The following SLC4A9 variants were observed in gnomAD, a reference collection of about 807,000 sequenced individuals.
SLC4A9 encodes the protein solute carrier family 4 member 9.
Under a neutral mutation model 103.2 loss-of-function variants are expected in SLC4A9, and 102 were observed. The observed-to-expected ratio is 0.99, with a 90% CI of 0.84 to 1.17. The LOEUF is 1.17. Ranked by LOEUF, SLC4A9 falls within the 50% of genes most tolerant of loss-of-function variation. The pLI, the probability that SLC4A9 is intolerant of heterozygous loss-of-function variation, is 0.00. For synonymous variants in SLC4A9, 453 were observed against 483.6 expected (o/e 0.94, Z 0.83); for missense variants, 1,091 against 1,193.7 (o/e 0.91, Z 1.27).
At position 140,371,558 on chromosome 5, in the gene SLC4A9, G is replaced by C. The variant is rs1768725265; in HGVS notation, c.2604G>C (p.Gln868His). The C allele has an allele frequency of 1.9e-6, 3 of 1,613,922 alleles. No homozygotes were observed. Among genetic ancestry groups the C allele is most frequent in the African/African-American group, 1.3e-5 (1 of 74,940 alleles). Reference protein sequence around the residue: ...LTRVHLFTAIQLACLGLLWII... With the variant: ...LTRVHLFTAIHLACLGLLWII... ...GGGTCCACCTCTTCACAGCCATCCA[G>C]CTTGCCTGTCTGGGGCTGCTTTGGA... is the stretch of plus-strand genomic sequence containing the variant. The change falls in exon 19 of 22, where the codon CAG becomes CAC. Residue 868 changes from glutamine to histidine, a missense_variant. Physicochemically the swap from Gln to His is conservative, Grantham distance 24. Transcript: ENST00000506757.
Position 140,369,241 on chromosome 5 carries a change from G to A in SLC4A9, c.2427+582G>A, listed in dbSNP as rs1308308555. Among the ~76,000 whole-genome samples, 4 of 150,602 alleles carry A rather than the reference G, an allele frequency of 2.7e-5. No homozygotes were observed. In the East Asian group the frequency reaches 7.9e-4, roughly 30 times the overall value. ...TTGAGCCCAGGAGTTTGAGAGTGCA[G>A]TAGGTGGTGATCACTGGATGACAAG... On this transcript the variant is annotated intron_variant, in intron 17 of 21. Transcript: ENST00000506757.
intron 18 of SLC4A9, 122 bp downstream of exon 18, chr5:140,371,285 C>T (rs1581165850): frequency 6.5e-6 from 9 of 1,391,108 alleles, no homozygotes; most frequent in Non-Finnish European, 8.0e-6. Context: ...CCTGCTTACA[C>T]TTGCCAATTT....
intron 14 of SLC4A9, among the ~76,000 whole-genome samples, chr5:140,367,004 T>C (rs1345577328): frequency 6.6e-6 from 1 of 152,106 alleles, no homozygotes; most frequent in Non-Finnish European, 1.5e-5. Flanking sequence ...ACACATATGC[T>C]TGTAATCAGC....
chr5:140,371,330 T>C, intron 18 of SLC4A9, 121 bp from the exon 19 acceptor site: 1 of 1,426,700 alleles, frequency 7.0e-7, no homozygotes, highest in Admixed American at 1.7e-5. Context: ...TCTCCTGGAC[T>C]CAGGGACTCG....
intron 16 of SLC4A9, among the ~76,000 whole-genome samples, 166 bp from the exon 17 acceptor site, chr5:140,368,421 A>G (rs1768213865): frequency 6.6e-6 from 1 of 152,176 alleles, no homozygotes; most frequent in Non-Finnish European, 1.5e-5. Context: ...CCTCTCCACC[A>G]ATTTTTCACA....
chr5:140,365,788 T>C lies in SLC4A9; in HGVS notation c.1711-46T>C, dbSNP rs78826098. The C allele has an allele frequency of 5.5e-4, 863 of 1,580,930 alleles. 6 individuals are homozygous for C. In the African/African-American group the frequency reaches 0.01, roughly 19 times the overall value. The stretch of plus-strand genomic sequence containing the variant: ...GAAGTTGGTCCAGGAGAGCAGGACA[T>C]TTACTCCATTGCCTATAACTCCACT... On this transcript the variant is annotated intron_variant, in intron 12 of 21. Coordinates refer to ENST00000506757, the MANE Select transcript of SLC4A9 (RefSeq NM_031467.3).
Position 140,364,110 on chromosome 5 carries a change from G to A in SLC4A9, c.1311G>A (p.Met437Ile). 1.9e-6 allele frequency: 3 copies of A among 1,590,278 alleles called. No homozygotes were observed. The highest frequency in any genetic ancestry group is 2.6e-6 in the Non-Finnish European group (3 of 1,168,734). Residue 437 changes from methionine to isoleucine, a missense_variant, in exon 10 of 22, where the codon ATG becomes ATA. Coordinates refer to ENST00000506757, the MANE Select transcript of SLC4A9 (RefSeq NM_031467.3). ...TGGCTGGAGCTGCCTTCTGCCTGAT[G>A]GCAGGCCAGCCCCTCACCATTCTGA... ...TAVAGAAFCL[M>I]AGQPLTILSS...
chr5:140,372,607 C>T lies in SLC4A9; in HGVS notation c.2827-138C>T. ...GGGCCCTCGATGTGGGTGGAAAGGG[C>T]TGAGGCTTCAGCTCAAGTGGGCTGT... On this transcript the variant is annotated intron_variant, in intron 20 of 21. Coordinates refer to ENST00000506757, the MANE Select transcript of SLC4A9 (RefSeq NM_031467.3). 2.1e-6 allele frequency: 3 copies of T among 1,440,942 alleles called. No individual in the cohort carries two copies. The South Asian group carries it at 4.5e-5, about 22-fold the overall frequency. The allele number at this position is 1,440,942 out of a possible 1,614,324, so 89.3% of individuals were successfully genotyped here.
chr5:140,368,507 C>T lies in SLC4A9; in HGVS notation c.2355-80C>T. ...TTTTCTCTTGCTGCCGGGGTCTGTACTGGTATTCAGCCAGGATCTCCAGTC... is the reference window on the plus strand; with the variant it reads ...TTTTCTCTTGCTGCCGGGGTCTGTATTGGTATTCAGCCAGGATCTCCAGTC... On this transcript the variant is annotated intron_variant, in intron 16 of 21. Transcript: ENST00000506757. 2.4e-6 allele frequency: 3 copies of T among 1,247,462 alleles called. No individual in the cohort carries two copies. In the South Asian group the frequency reaches 4.1e-5, roughly 17 times the overall value. The allele number at this position is 1,247,462 out of a possible 1,614,324, so 77.3% of individuals were successfully genotyped here.
At chr5:140,369,089 G>A (rs1404860864) in intron 17 of SLC4A9, among the ~76,000 whole-genome samples, 1 of 152,120 alleles carries the variant, frequency 6.6e-6, no homozygotes, top group Non-Finnish European at 1.5e-5. Context: ...TTGGGAGGCT[G>A]AGGTGGGAGG....
chr5:140,363,958 C>T lies in SLC4A9; in HGVS notation c.1254+56C>T. 1.3e-6 allele frequency: 2 copies of T among 1,586,322 alleles called. No individual in the cohort carries two copies. The highest frequency in any genetic ancestry group is 3.4e-4 in the Middle Eastern group (2 of 5,928). ...GTTGGTGTCCCCTAGTCCATCCCTTCCCCTGGGACTATGGGTAAGTTAAGG... is the reference window on the plus strand; with the variant it reads ...GTTGGTGTCCCCTAGTCCATCCCTTTCCCTGGGACTATGGGTAAGTTAAGG... On this transcript the variant is annotated intron_variant, in intron 9 of 21. Coordinates refer to ENST00000506757, the MANE Select transcript of SLC4A9 (RefSeq NM_031467.3). The surrounding 1 kb of genome is among the most constrained non-coding windows in gnomAD (Gnocchi z 4.5).
intron 1 of SLC4A9, 113 bp from the exon 2 acceptor site, chr5:140,360,699 C>A: frequency 6.6e-7 from 1 of 1,525,816 alleles, no homozygotes; most frequent in Non-Finnish European, 8.9e-7. Context: ...AGACTTCACA[C>A]CACTGGGCCC....
intron 3 of SLC4A9, among the ~76,000 whole-genome samples, 196 bp from the exon 4 acceptor site, chr5:140,361,591 CCATTTGATCTTCACAGTATCT>C (rs1368176490): frequency 6.6e-6 from 1 of 152,228 alleles, no homozygotes; most frequent in African/African-American, 2.4e-5. Flanking sequence ...ACTAGGCCTA[CCATTTGATCTTCACAGTATCT>C]CATTTGATCT....
chr5:140,372,102 C>T (rs1768808371), intron 19 of SLC4A9, 140 bp from the exon 20 acceptor site: 1 of 784,058 alleles, frequency 1.3e-6, no homozygotes, highest in Non-Finnish European at 1.9e-6. Context: ...TTTATTCTAT[C>T]TACCTCATAG....
At chr5:140,371,370 C>T in intron 18 of SLC4A9, 81 bp from the exon 19 acceptor site, 1 of 1,554,016 alleles carries the variant, frequency 6.4e-7, no homozygotes. Context: ...GCTCCCAGTG[C>T]TGGGCTATGA....
Position 140,363,374 on chromosome 5 carries a change from G to A in SLC4A9, c.963-65G>A. The A allele has an allele frequency of 3.5e-6, 5 of 1,439,640 alleles. No individual in the cohort carries two copies. The East Asian group carries it at 1.2e-4, about 36-fold the overall frequency. 89.2% of individuals were successfully genotyped at this position (1,439,640 alleles called of 1,614,324 possible). On this transcript the variant is annotated intron_variant, in intron 7 of 21. Coordinates refer to ENST00000506757, the MANE Select transcript of SLC4A9 (RefSeq NM_031467.3). This position sits in a 1 kb window ranked among gnomAD's most constrained non-coding sequence, Gnocchi z 4.5. ...GCCGCTAGGGGGCAGGGCGCCACGA[G>A]CTCTGGACCGAGTCGCAGACTGGTT...
At position 140,363,321 on chromosome 5, in the gene SLC4A9, G is replaced by GT; in HGVS notation, c.963-118_963-117insT. 1.2e-5 allele frequency: 12 copies of GT among 1,035,552 alleles called. No individual in the cohort carries two copies. Among genetic ancestry groups the GT allele is most frequent in the Non-Finnish European group, 1.7e-5 (12 of 709,948 alleles). 64.1% of individuals were successfully genotyped at this position (1,035,552 alleles called of 1,614,324 possible). ...CTTCTAGAGGCCCAGGTGTCGCCAT[G>GT]GTTCCCTCGCCGGCAGAGACAAGAG... On this transcript the variant is annotated intron_variant, in intron 7 of 21. Transcript: ENST00000506757. The surrounding 1 kb of genome is among the most constrained non-coding windows in gnomAD (Gnocchi z 4.5).
At chr5:140,374,550 CAAAAAAAAAAAAAAAA>C (rs70988749) in intron 21 of SLC4A9, among the ~76,000 whole-genome samples, 1 of 47,658 alleles carries the variant, frequency 2.1e-5, no homozygotes, top group African/African-American at 8.6e-5. Context: ...AACTCCCTCT[CAAAAAAAAAAAAAAAA>C]AAAAAAAAAG....
At position 140,360,308 on chromosome 5, in the gene SLC4A9, G is replaced by A. The variant is rs769144906; in HGVS notation, c.72G>A (p.Glu24=). Residue 24 remains glutamate, a synonymous_variant, in exon 1 of 22, where the codon GAG becomes GAA. Transcript: ENST00000506757. ...CTCCTAGAAATATTCCTTCAGGGGA[G>A]CTGGACAGCAACCCTGACCCTGGCA... ...SSAPRNIPSG[E]LDSNPDPGTG... 6.2e-7 allele frequency: 1 copy of A among 1,612,348 alleles called. No homozygotes were observed. Among genetic ancestry groups the A allele is most frequent in the Non-Finnish European group, 8.5e-7 (1 of 1,179,220 alleles).
Sources: gnomAD v4.1 joint callset for allele counts (sites outside exome capture counted in the v4.1 genomes callset) on GRCh38, gnomAD v4.1.1 for gene constraint, Gnocchi (gnomAD v3.1) non-coding constraint, MANE v1.5 for transcripts, NCBI Gene and HGNC (gene_info 2026-07-23, HGNC 2026-07-21) for gene names.